NLRP1: variants seen among roughly 807,000 people sequenced by gnomAD.
NLRP1 encodes NLR family pyrin domain containing 1.
NLRP1 carries 94 observed loss-of-function variants against 136.7 expected under a neutral mutation model. That is an observed-to-expected ratio of 0.69 (90% CI 0.58 to 0.82). The LOEUF (loss-of-function observed/expected upper bound fraction) is 0.82, where lower values mean the gene tolerates loss of function less well. Among genes scored for constraint, NLRP1 ranks in the 40% least tolerant of loss-of-function variants. The probability of loss-of-function intolerance (pLI) is 0.00; values close to 1 mark genes in which losing one functional copy is unlikely to be tolerated. For synonymous variants in NLRP1, 690 were observed against 725.1 expected (o/e 0.95, Z 0.78); for missense variants, 1,575 against 1,802.7 (o/e 0.87, Z 2.29).
rs765440067 is a variant in NLRP1, at chr17:5,558,906, T to A, written c.1790A>T (p.Asp597Val). The part of the protein sequence containing the change: ...SPDDLRKHGL[D>V]GAIISTFLKM... ...CAAGAAGGTGGAGATGATGGCCCCATCTAACCCATGCTTCCTGAGGTCATC... is the reference window on the plus strand; with the variant it reads ...CAAGAAGGTGGAGATGATGGCCCCAACTAACCCATGCTTCCTGAGGTCATC... Residue 597 changes from aspartate to valine, a missense_variant, in exon 4 of 17, where the codon GAT (aspartate) becomes GTT (valine). Transcript: ENST00000572272. 1 of 1,614,128 alleles carries A rather than the reference T, an allele frequency of 6.2e-7. No homozygotes were observed. The highest frequency in any genetic ancestry group is 1.1e-5 in the South Asian group (1 of 91,062).
chr17:5,576,835 T>G (rs1029726406), intron 3 of NLRP1, among the ~76,000 whole-genome samples: 1 of 152,198 alleles, frequency 6.6e-6, no homozygotes, highest in African/African-American at 2.4e-5. Context: ...CCAATATCCC[T>G]GATGAACATT....
Position 5,571,377 on chromosome 17 carries a change from A to G in NLRP1, c.652+10482T>C, listed in dbSNP as rs548762858. Among the ~76,000 whole-genome samples the G allele has an allele frequency of 2.6e-5, 4 of 152,308 alleles. No homozygotes were observed. The East Asian group carries it at 7.7e-4, about 29-fold the overall frequency. ...GAAAACCTCCTAGTCTCTGTCCCAA[A>G]TCTGCTAGATCTAATAAACAACTTC... is the stretch of plus-strand genomic sequence containing the variant. On this transcript the variant is annotated intron_variant, in intron 3 of 16. Coordinates refer to ENST00000572272, the MANE Select transcript of NLRP1 (RefSeq NM_033004.4).
At chr17:5,519,053 A>C (rs1908529852) in intron 14 of NLRP1, among the ~76,000 whole-genome samples, 1 of 148,330 alleles carries the variant, frequency 6.7e-6, no homozygotes, top group South Asian at 2.1e-4. Context: ...CCCAGGCTGG[A>C]GCACAGTGGC....
In NLRP1 at chr17:5,541,910, G is replaced by A; in HGVS notation, c.2646C>T (p.Ala882=). ...GTCTCAGTCTCTGGCAAAGGTGTTT[G>A]GCTCCAGCATCCGTGAGCACATTGA... ...LSFNVLTDAG[A]KHLCQRLRQP... Residue 882 remains alanine, a synonymous_variant, in exon 6 of 17, where the codon GCC becomes GCT. Coordinates refer to ENST00000572272, the MANE Select transcript of NLRP1 (RefSeq NM_033004.4). This position sits in a 1 kb window ranked among gnomAD's most constrained non-coding sequence, Gnocchi z 4.2. The A allele has an allele frequency of 6.2e-7, 1 of 1,614,024 alleles. No homozygotes were observed. The highest frequency in any genetic ancestry group is 8.5e-7 in the Non-Finnish European group (1 of 1,180,022).
chr17:5,583,536 G>A lies in NLRP1; in HGVS notation c.271+151C>T, dbSNP rs1370781859. Reference sequence around the variant, plus strand: ...AGCCTCCTGGCTCCAGCATAGTCTGGGGCCTGGATCCCCCTTTGAGAGGGC... The same window carrying A: ...AGCCTCCTGGCTCCAGCATAGTCTGAGGCCTGGATCCCCCTTTGAGAGGGC... On this transcript the variant is annotated intron_variant, in intron 1 of 16. Transcript: ENST00000572272. This position sits in a 1 kb window ranked among gnomAD's most constrained non-coding sequence, Gnocchi z 4.5. The A allele has an allele frequency of 2.5e-6, 2 of 808,608 alleles. No individual in the cohort carries two copies. Among genetic ancestry groups the A allele is most frequent in the Middle Eastern group, 3.7e-4 (1 of 2,680 alleles). 50.1% of individuals were successfully genotyped at this position (808,608 alleles called of 1,614,324 possible).
rs201861834 is a variant in NLRP1 at position 5,559,428 on chromosome 17, C to A, written c.1268G>T (p.Ser423Ile). ...GCTCCAGTGCAGACAGAGCTCAGAA[C>A]TCGGCTCCTGCAAGACCCATCCTGG... is the stretch of plus-strand genomic sequence containing the variant. ...DEPGWVLQEPSSELCLHWSQP... is the reference protein window; with the variant it reads ...DEPGWVLQEPISELCLHWSQP... The change falls in exon 4 of 17, where the codon AGT becomes ATT. Residue 423 changes from serine to isoleucine, a missense_variant. Physicochemically the swap from Ser to Ile is moderately radical, Grantham distance 142. Transcript: ENST00000572272. 64 of 1,614,052 alleles carry A rather than the reference C, an allele frequency of 4.0e-5. No individual in the cohort carries two copies. The Middle Eastern group carries it at 1.2e-3, about 29-fold the overall frequency.
At chr17:5,502,119 G>C (rs1907120427) in intron 15 of NLRP1, 2 of 444,596 alleles carry the variant, frequency 4.5e-6, no homozygotes, top group Non-Finnish European at 4.2e-6. Flanking sequence ...AGCCTACTAG[G>C]TAGTGGTAGG....
In NLRP1 at chr17:5,559,796, C is replaced by G. The variant is rs199601420; in HGVS notation, c.900G>C (p.Trp300Cys). 4.0e-5 allele frequency: 64 copies of G among 1,614,244 alleles called. No homozygotes were observed. Among genetic ancestry groups the G allele is most frequent in the Non-Finnish European group, 5.2e-5 (61 of 1,180,040 alleles). The stretch of plus-strand genomic sequence containing the variant: ...CTCGATTCTCCTCCACATAATCAGG[C>G]CAGCTTCTCTTGACCAGGGGATCTT... ...RSQDPLVKRS[W>C]PDYVEENRGH... The change falls in exon 4 of 17, where the codon TGG (tryptophan) becomes TGC (cysteine). Residue 300 changes from tryptophan to cysteine, a missense_variant. Trp to Cys is a radical substitution (Grantham distance 215). Coordinates refer to ENST00000572272, the MANE Select transcript of NLRP1 (RefSeq NM_033004.4).
chr17:5,512,548 G>A (rs1907710887), downstream of NLRP1: 1 of 559,762 alleles, frequency 1.8e-6, no homozygotes, highest in South Asian at 1.9e-5. Context: ...GAAGGGTTGT[G>A]TGGAGAGTGG....
chr17:5,566,785 T>C (rs960018556), intron 3 of NLRP1, among the ~76,000 whole-genome samples: 5 of 152,182 alleles, frequency 3.3e-5, no homozygotes, highest in African/African-American at 1.2e-4. Flanking sequence ...TATTATTGTA[T>C]TGAGGCCTAT....
chr17:5,518,152 C>T lies in NLRP1; in HGVS notation c.3916-265G>A, dbSNP rs1201296984. Reference sequence around the variant, plus strand: ...AAGCCAGATCCTTCTTCCTTCACCTCCCCCATCTTGAATCCAAACCCTCAT... The same window carrying T: ...AAGCCAGATCCTTCTTCCTTCACCTTCCCCATCTTGAATCCAAACCCTCAT... On this transcript the variant is annotated intron_variant, in intron 14 of 16. Coordinates refer to ENST00000572272, the MANE Select transcript of NLRP1 (RefSeq NM_033004.4). 4 of 320,994 alleles carry T rather than the reference C, an allele frequency of 1.2e-5. No homozygotes were observed. In the East Asian group the frequency reaches 2.4e-4, roughly 19 times the overall value. 19.9% of individuals were successfully genotyped at this position (320,994 alleles called of 1,614,324 possible).
At position 5,541,363 on chromosome 17, in the gene NLRP1, G is replaced by C. The variant is rs530666428; in HGVS notation, c.2699+494C>G. The stretch of plus-strand genomic sequence containing the variant: ...GCCTCACTTGTTTCTACATGGTGGC[G>C]GGGGGGATGGCTCTGTCCCCTCGGA... On this transcript the variant is annotated intron_variant, in intron 6 of 16. Coordinates refer to ENST00000572272, the MANE Select transcript of NLRP1 (RefSeq NM_033004.4). The surrounding 1 kb of genome is among the most constrained non-coding windows in gnomAD (Gnocchi z 4.2). Among the ~76,000 whole-genome samples, 1 of 152,060 alleles carries C rather than the reference G, an allele frequency of 6.6e-6. No individual in the cohort carries two copies. The highest frequency in any genetic ancestry group is 1.5e-5 in the Non-Finnish European group (1 of 68,006).
At position 5,553,452 on chromosome 17, in the gene NLRP1, C is replaced by G. The variant is rs781578724; in HGVS notation, c.2462G>C (p.Ser821Thr). Residue 821 changes from serine (S) to threonine (T), a missense_variant, in exon 5 of 17, where the codon AGC (serine) becomes ACC (threonine). Coordinates refer to ENST00000572272, the MANE Select transcript of NLRP1 (RefSeq NM_033004.4). ...ACAAAGACTCTTCACTGCAGAGTGGCTCAGCGAGTTTCCACTTAGGTCCAG... is the reference window on the plus strand; with the variant it reads ...ACAAAGACTCTTCACTGCAGAGTGGGTCAGCGAGTTTCCACTTAGGTCCAG... Reference protein sequence around the residue: ...KELDLSGNSLSHSAVKSLCKT... With the variant: ...KELDLSGNSLTHSAVKSLCKT... The G allele has an allele frequency of 6.8e-6, 11 of 1,614,194 alleles. No homozygotes were observed. The highest frequency in any genetic ancestry group is 9.3e-6 in the Non-Finnish European group (11 of 1,180,028).
Position 5,537,011 on chromosome 17 carries a change from T to A in NLRP1, c.2871-71A>T. On this transcript the variant is annotated intron_variant, in intron 7 of 16. Coordinates refer to ENST00000572272, the MANE Select transcript of NLRP1 (RefSeq NM_033004.4). This position sits in a 1 kb window ranked among gnomAD's most constrained non-coding sequence, Gnocchi z 4.5. ...GTCCCCAGGTCCCCAGGGCCCAGAA[T>A]CCTGGGACCTGTCACCTTCTGAGGC... 3 of 1,090,550 alleles carry A rather than the reference T, an allele frequency of 2.8e-6. No individual in the cohort carries two copies. The South Asian group carries it at 3.7e-5, about 14-fold the overall frequency. 67.6% of individuals were successfully genotyped at this position (1,090,550 alleles called of 1,614,324 possible). A position where few individuals can be genotyped will look rare whatever the true frequency, so the allele number is the denominator to read the frequency against.
At chr17:5,530,438 A>C in intron 12 of NLRP1, 43 bp downstream of exon 12, 12 of 1,564,188 alleles carry the variant, frequency 7.7e-6, no homozygotes, top group Non-Finnish European at 1.1e-5. Flanking sequence ...TTTCAGGCCC[A>C]TAATTACCAC....
chr17:5,539,711 G>T, intron 6 of NLRP1, 126 bp from the exon 7 acceptor site: 1 of 1,406,044 alleles, frequency 7.1e-7, no homozygotes, highest in South Asian at 1.6e-5. Context: ...ATGCAGAGAA[G>T]ATACAAACTT....
At chr17:5,558,101 C>A (rs997408667) in intron 4 of NLRP1, among the ~76,000 whole-genome samples, 1 of 152,102 alleles carries the variant, frequency 6.6e-6, no homozygotes, top group Non-Finnish European at 1.5e-5. Context: ...GCAGACACGG[C>A]AGGGCCCAGT....
chr17:5,512,263 G>A, downstream of NLRP1: 1 of 1,533,450 alleles, frequency 6.5e-7, no homozygotes, highest in Non-Finnish European at 9.0e-7. Flanking sequence ...ATCAGGACAA[G>A]ATCTAGACAG....
At chr17:5,510,487 G>A (rs992949854), downstream of NLRP1, among the ~76,000 whole-genome samples, 1 of 152,000 alleles carries the variant, frequency 6.6e-6, no homozygotes, top group African/African-American at 2.4e-5. Context: ...AGCCTCCCGA[G>A]TAGCTGGGGT....
Sources: allele counts gnomAD v4.1 joint callset (sites outside exome capture counted in the v4.1 genomes callset), GRCh38; gene constraint gnomAD v4.1.1; non-coding constraint Gnocchi (gnomAD v3.1); transcripts MANE v1.5; gene names NCBI Gene and HGNC (gene_info 2026-07-23, HGNC 2026-07-21).